PITPNM3: variants seen among roughly 807,000 people sequenced by gnomAD.
The protein encoded by PITPNM3 is PITPNM family member 3.
PITPNM3 carries 26 observed loss-of-function variants against 102.0 expected under a neutral mutation model. The observed-to-expected ratio is 0.25, with a 90% CI of 0.19 to 0.35. The LOEUF (loss-of-function observed/expected upper bound fraction) is 0.35, where lower values mean the gene tolerates loss of function less well. Among genes scored for constraint, PITPNM3 ranks in the 10% least tolerant of loss-of-function variants. PITPNM3 has a pLI of 1.00. For missense variants in PITPNM3, 1,083 were observed against 1,346.1 expected (o/e 0.80, Z 3.06); for synonymous variants, 578 against 558.6 (o/e 1.03, Z -0.49).
At chr17:6,513,171 C>A (rs1355671947) in intron 3 of PITPNM3, among the ~76,000 whole-genome samples, 1 of 151,514 alleles carries the variant, frequency 6.6e-6, no homozygotes, top group Non-Finnish European at 1.5e-5. Flanking sequence ...AGATGAAGGA[C>A]AACAACAAAA....
intron 3 of PITPNM3, among the ~76,000 whole-genome samples, chr17:6,522,765 C>T (rs1406790126): frequency 6.6e-6 from 1 of 152,138 alleles, no homozygotes; most frequent in Non-Finnish European, 1.5e-5. Flanking sequence ...GTTCACGGAT[C>T]TTCCTTTCCC....
At chr17:6,531,416 C>A (rs79565901) in intron 2 of PITPNM3, among the ~76,000 whole-genome samples, 1 of 152,336 alleles carries the variant, frequency 6.6e-6, no homozygotes, top group Non-Finnish European at 1.5e-5. Flanking sequence ...CCTGGGAAAC[C>A]TGGGCTGCTC....
At position 6,477,271 on chromosome 17, in the gene PITPNM3, G is replaced by A. The variant is rs555286307; in HGVS notation, c.901-58C>T. The A allele has an allele frequency of 3.2e-6, 5 of 1,559,218 alleles. No homozygotes were observed. The South Asian group carries it at 3.4e-5, about 10-fold the overall frequency. ...AGACTGTTGTCACGGGAGACTCTGG[G>A]GCCTTGTCTCCTCCCCCCAAGCACA... On this transcript the variant is annotated intron_variant, in intron 8 of 19. Coordinates refer to ENST00000262483, the MANE Select transcript of PITPNM3 (RefSeq NM_031220.4).
At chr17:6,490,416 G>T (rs1906385686) in intron 4 of PITPNM3, among the ~76,000 whole-genome samples, 1 of 152,104 alleles carries the variant, frequency 6.6e-6, no homozygotes. Flanking sequence ...AAGCATAAGT[G>T]CCCTCTGTGA....
chr17:6,463,727 C>T lies in PITPNM3; in HGVS notation c.2306+5G>A. On this transcript the variant is annotated splice_donor_5th_base_variant and intron_variant, in intron 17 of 19. Transcript: ENST00000262483. The stretch of plus-strand genomic sequence containing the variant: ...GATATAGCCCTCGTGGAAGGTGGCA[C>T]TCACCGGACAACATCCACTGCACCC... The T allele has an allele frequency of 1.2e-6, 2 of 1,610,976 alleles. No individual in the cohort carries two copies. Among genetic ancestry groups the T allele is most frequent in the Non-Finnish European group, 1.7e-6 (2 of 1,179,630 alleles).
intron 3 of PITPNM3, among the ~76,000 whole-genome samples, chr17:6,518,527 T>C (rs781001937): frequency 1.4e-4 from 21 of 149,332 alleles, no homozygotes; most frequent in Non-Finnish European, 2.7e-4. Flanking sequence ...AAAAATAAGA[T>C]TAAAAAGCTC....
At chr17:6,541,356 C>T (rs356053) in intron 1 of PITPNM3, among the ~76,000 whole-genome samples, 100,087 of 150,672 alleles carry the variant, frequency 0.66, 33,431 homozygotes, top group South Asian at 0.79. Flanking sequence ...TGGGATGGAC[C>T]GGGCAAAATC....
rs1913915474 is a variant in PITPNM3, at chr17:6,452,972, C to CTCTG, written c.*2365_*2366insCAGA. ...TCTCTCTCTCTTCCTCTCTCTCTCTCTCTTCCTCTCTCTCTCTCTCTGTCT... is the reference window on the plus strand; with the variant it reads ...TCTCTCTCTCTTCCTCTCTCTCTCTCTCTGTCTTCCTCTCTCTCTCTCTCTGTCT... On this transcript the variant is annotated 3_prime_UTR_variant, in exon 20 of 20. Coordinates refer to ENST00000262483, the MANE Select transcript of PITPNM3 (RefSeq NM_031220.4). 4 of 145,890 alleles carry CTCTG rather than the reference C, an allele frequency of 2.7e-5. No individual in the cohort carries two copies. The highest frequency in any genetic ancestry group is 1.0e-4 in the African/African-American group (4 of 38,670). 9.0% of individuals were successfully genotyped at this position (145,890 alleles called of 1,614,324 possible).
chr17:6,525,389 T>C lies in PITPNM3; in HGVS notation c.193A>G (p.Ile65Val). ...TCGTCCAGTTTCCCCATGGTCTCGA[T>C]CTGCTCCACGAGGTCATTGGAGTTC... ...QWNSNDLVEQ[I>V]ETMGKLDEHQ... Residue 65 changes from isoleucine (I) to valine (V), a missense_variant, in exon 3 of 20, where the codon ATC (isoleucine) becomes GTC (valine). By Grantham distance (29) the Ile-to-Val change is conservative. Transcript: ENST00000262483. The C allele has an allele frequency of 6.2e-7, 1 of 1,614,192 alleles. No individual in the cohort carries two copies. Among genetic ancestry groups the C allele is most frequent in the Non-Finnish European group, 8.5e-7 (1 of 1,180,032 alleles).
At position 6,454,685 on chromosome 17, in the gene PITPNM3, G is replaced by A. The variant is rs1914005253; in HGVS notation, c.*653C>T. 2 of 152,712 alleles carry A rather than the reference G, an allele frequency of 1.3e-5. No homozygotes were observed. The highest frequency in any genetic ancestry group is 1.3e-4 in the Admixed American group (2 of 15,296). 9.5% of individuals were successfully genotyped at this position (152,712 alleles called of 1,614,324 possible). On this transcript the variant is annotated 3_prime_UTR_variant, in exon 20 of 20. Coordinates refer to ENST00000262483, the MANE Select transcript of PITPNM3 (RefSeq NM_031220.4). ...GCCTCCAGGGCCACAGGGAAATGGTGAGGACACTGAGGACAACGGGGGTTG... is the reference window on the plus strand; with the variant it reads ...GCCTCCAGGGCCACAGGGAAATGGTAAGGACACTGAGGACAACGGGGGTTG...
chr17:6,510,335 C>T (rs1293083131), intron 3 of PITPNM3, among the ~76,000 whole-genome samples: 2 of 152,168 alleles, frequency 1.3e-5, no homozygotes, highest in African/African-American at 4.8e-5. Flanking sequence ...CTCCCTGCTT[C>T]CCACACCTCC....
At chr17:6,523,939 T>A (rs1033820313) in intron 3 of PITPNM3, among the ~76,000 whole-genome samples, 3 of 152,222 alleles carry the variant, frequency 2.0e-5, no homozygotes, top group Non-Finnish European at 2.9e-5. Context: ...AGCCCTGGAC[T>A]GGGAATCAGA....
At chr17:6,490,449 G>A (rs1006642109) in intron 4 of PITPNM3, among the ~76,000 whole-genome samples, 15 of 152,196 alleles carry the variant, frequency 9.9e-5, no homozygotes, top group African/African-American at 3.1e-4. Context: ...AGACCCAGCA[G>A]AATTTGGCAC....
chr17:6,479,010 C>A, intron 6 of PITPNM3: 1 of 502,886 alleles, frequency 2.0e-6, no homozygotes, highest in Non-Finnish European at 3.6e-6. Flanking sequence ...GTCTCTATTG[C>A]CCTCTTCTGC....
chr17:6,464,290 G>A lies in PITPNM3; in HGVS notation c.2036C>T (p.Ser679Phe), dbSNP rs146074870. 2.7e-5 allele frequency: 44 copies of A among 1,614,048 alleles called. No individual in the cohort carries two copies. The Admixed American group carries it at 5.8e-4, about 21-fold the overall frequency. ...GTCCAGGTGTACCCAGCGGCCTGAG[G>A]ATGGCTCTGCCATTACTAGGATGTC... is the stretch of plus-strand genomic sequence containing the variant. Reference protein sequence around the residue: ...KVDILVMAEPSSGRWVHLDTE... With the variant: ...KVDILVMAEPFSGRWVHLDTE... Residue 679 changes from serine to phenylalanine, a missense_variant, in exon 16 of 20, where the codon TCC becomes TTC. By Grantham distance (155) the Ser-to-Phe change is radical. Transcript: ENST00000262483.
At chr17:6,502,096 C>T (rs537785702) in intron 4 of PITPNM3, among the ~76,000 whole-genome samples, 6 of 152,344 alleles carry the variant, frequency 3.9e-5, no homozygotes, top group African/African-American at 1.2e-4. Flanking sequence ...AAGGCATTCA[C>T]ACTTACCAGC....
At chr17:6,463,700 G>A (rs188803766) in intron 17 of PITPNM3, 32 bp downstream of exon 17, 3 of 1,607,456 alleles carry the variant, frequency 1.9e-6, no homozygotes, top group East Asian at 2.2e-5. Flanking sequence ...GCCCCCCAGG[G>A]AGATATAGCC....
intron 4 of PITPNM3, among the ~76,000 whole-genome samples, chr17:6,501,230 T>G (rs1907150749): frequency 6.6e-6 from 1 of 152,188 alleles, no homozygotes; most frequent in Admixed American, 6.5e-5. Flanking sequence ...TTGGTTCTTT[T>G]CCTCTTCTGC....
chr17:6,503,075 AT>A, intron 4 of PITPNM3, among the ~76,000 whole-genome samples: 1 of 152,180 alleles, frequency 6.6e-6, no homozygotes, highest in Admixed American at 6.5e-5. Context: ...TCTGAACCTC[AT>A]TCAGTCATGT....
Sources: gnomAD v4.1 joint callset for allele counts (sites outside exome capture counted in the v4.1 genomes callset) on GRCh38, gnomAD v4.1.1 for gene constraint, MANE v1.5 for transcripts, NCBI Gene and HGNC (gene_info 2026-07-23, HGNC 2026-07-21) for gene names.